Variants in PDE4D observed in about 807,000 individuals in gnomAD.
PDE4D encodes the protein 3',5'-cyclic-AMP phosphodiesterase 4D.
A neutral mutation model predicts 87.4 loss-of-function variants in PDE4D; 24 were observed. The observed-to-expected ratio is 0.27, with a 90% CI of 0.20 to 0.39. The LOEUF (loss-of-function observed/expected upper bound fraction) is 0.39, where lower values mean the gene tolerates loss of function less well. Among genes scored for constraint, PDE4D ranks in the 10% least tolerant of loss-of-function variants. PDE4D has a pLI of 1.00. For synonymous variants in PDE4D, 384 were observed against 383.2 expected (o/e 1.00, Z -0.02); for missense variants, 714 against 1,041.0 (o/e 0.69, Z 4.32).
At chr5:59,460,777 A>T (rs558317274) in intron 1 of PDE4D, among the ~76,000 whole-genome samples, 1 of 152,192 alleles carries the variant, frequency 6.6e-6, no homozygotes, top group African/African-American at 2.4e-5. Flanking sequence ...ACAGTCTGGT[A>T]ACCAAAAGGT....
At chr5:59,053,518 G>C (rs1405994530) in intron 5 of PDE4D, among the ~76,000 whole-genome samples, 1 of 151,366 alleles carries the variant, frequency 6.6e-6, no homozygotes, top group African/African-American at 2.4e-5. Flanking sequence ...ACAAATTTGA[G>C]ATTTACTAAA....
chr5:59,621,127 C>T (rs189541101), intron 1 of PDE4D, among the ~76,000 whole-genome samples: 1 of 152,156 alleles, frequency 6.6e-6, no homozygotes, highest in Non-Finnish European at 1.5e-5. Flanking sequence ...TAAAACACTC[C>T]AGACTCAACT....
intron 1 of PDE4D, among the ~76,000 whole-genome samples, chr5:59,703,310 C>A (rs1053348475): frequency 6.6e-6 from 1 of 152,212 alleles, no homozygotes; most frequent in South Asian, 2.1e-4. Flanking sequence ...CCTTGAGGTA[C>A]AACTATCAAT....
intron 5 of PDE4D, among the ~76,000 whole-genome samples, chr5:59,104,408 A>T (rs1681565031): frequency 6.6e-6 from 1 of 152,242 alleles, no homozygotes; most frequent in Non-Finnish European, 1.5e-5. Flanking sequence ...TACATGTGTG[A>T]TTACTGTAGT....
intron 1 of PDE4D, among the ~76,000 whole-genome samples, chr5:59,490,121 T>TA (rs1466860251): frequency 6.6e-6 from 1 of 152,184 alleles, no homozygotes; most frequent in Non-Finnish European, 1.5e-5. Context: ...GAGATACCCT[T>TA]ACAATTATCT....
At chr5:59,412,364 G>C (rs1792833534) in intron 1 of PDE4D, among the ~76,000 whole-genome samples, 1 of 152,282 alleles carries the variant, frequency 6.6e-6, no homozygotes, top group Middle Eastern at 3.4e-3. Context: ...TTGCAGAAGA[G>C]AAAGTGAAGA....
Position 58,972,953 on chromosome 5 carries a change from G to A in PDE4D, c.*1711C>T, listed in dbSNP as rs946770798. On this transcript the variant is annotated 3_prime_UTR_variant, in exon 15 of 15. Transcript: ENST00000340635. ...GTGGCATCATCTTCTTTCCCTCCAT[G>A]TGTTTAAAGAAGTAGTTCCCCTCTG... 3 of 152,052 alleles carry A rather than the reference G, an allele frequency of 2.0e-5. No individual in the cohort carries two copies. The highest frequency in any genetic ancestry group is 4.4e-5 in the Non-Finnish European group (3 of 67,986). 9.4% of individuals were successfully genotyped at this position (152,052 alleles called of 1,614,324 possible).
intron 5 of PDE4D, among the ~76,000 whole-genome samples, chr5:59,131,236 C>T (rs1441135751): frequency 6.6e-6 from 1 of 152,112 alleles, no homozygotes; most frequent in Non-Finnish European, 1.5e-5. Context: ...TAAGGCAGTT[C>T]AATCATACAT....
chr5:59,244,469 T>C (rs891964036), intron 1 of PDE4D, among the ~76,000 whole-genome samples: 4 of 150,880 alleles, frequency 2.7e-5, no homozygotes, highest in South Asian at 2.1e-4. Context: ...TATATACATA[T>C]ACATACATTT....
chr5:59,985,833 G>T (rs1582048416), intron 3 of PDE4D, among the ~76,000 whole-genome samples: 1 of 152,110 alleles, frequency 6.6e-6, no homozygotes, highest in African/African-American at 2.4e-5. Context: ...TGAAAAGTCA[G>T]CCCATCTGTA....
At chr5:60,265,100 T>C (rs1210666096) in intron 1 of PDE4D, among the ~76,000 whole-genome samples, 1 of 152,172 alleles carries the variant, frequency 6.6e-6, no homozygotes, top group East Asian at 1.9e-4. Flanking sequence ...ACCCCATTGG[T>C]GAGGGAGGAG....
intron 2 of PDE4D, among the ~76,000 whole-genome samples, chr5:60,104,551 G>C (rs1382195715): frequency 1.3e-5 from 2 of 152,334 alleles, no homozygotes; most frequent in South Asian, 2.1e-4. Context: ...AATGGGCAGA[G>C]TGCCTCCTCA....
At chr5:59,335,659 G>A (rs1355926240) in intron 1 of PDE4D, among the ~76,000 whole-genome samples, 1 of 152,150 alleles carries the variant, frequency 6.6e-6, no homozygotes, top group Non-Finnish European at 1.5e-5. Flanking sequence ...TCTCAGGGAT[G>A]AAGTAAGAAT....
At chr5:59,317,661 C>A (rs949405430) in intron 1 of PDE4D, among the ~76,000 whole-genome samples, 32 of 152,122 alleles carry the variant, frequency 2.1e-4, no homozygotes, top group Non-Finnish European at 5.9e-5. Flanking sequence ...TTGCCAGGCA[C>A]ACAGTGAACC....
chr5:60,101,480 T>G (rs928452244), intron 2 of PDE4D, among the ~76,000 whole-genome samples: 1 of 152,138 alleles, frequency 6.6e-6, no homozygotes. Context: ...ATTTTGAATC[T>G]ACCTCCAGTG....
chr5:60,328,460 T>C (rs896215862), intron 1 of PDE4D, among the ~76,000 whole-genome samples: 1 of 152,250 alleles, frequency 6.6e-6, no homozygotes, highest in African/African-American at 2.4e-5. Flanking sequence ...TTTATTATAT[T>C]CATCTATATT....
chr5:59,837,520 T>A (rs574824460), intron 1 of PDE4D, among the ~76,000 whole-genome samples: 3 of 152,058 alleles, frequency 2.0e-5, no homozygotes, highest in Non-Finnish European at 4.4e-5. Flanking sequence ...TGAAGCCAAG[T>A]GCTGGGAAAG....
intron 10 of PDE4D, among the ~76,000 whole-genome samples, chr5:58,989,336 A>G (rs1561246460): frequency 6.6e-6 from 1 of 152,212 alleles, no homozygotes; most frequent in Non-Finnish European, 1.5e-5. Flanking sequence ...ATAACTTCTT[A>G]GGATTTAGAA....
chr5:60,423,678 A>G (rs1042491847), intron 1 of PDE4D, among the ~76,000 whole-genome samples: 2 of 152,206 alleles, frequency 1.3e-5, no homozygotes, highest in African/African-American at 4.8e-5. Flanking sequence ...AGCAGAAGAC[A>G]AGAAATAACT....
Sources: gnomAD v4.1 joint callset for allele counts (sites outside exome capture counted in the v4.1 genomes callset) on GRCh38, gnomAD v4.1.1 for gene constraint, MANE v1.5 for transcripts, NCBI Gene and HGNC (gene_info 2026-07-23, HGNC 2026-07-21) for gene names.